The following UBTD2 variants were observed in gnomAD, a reference collection of about 807,000 sequenced individuals.
The protein encoded by UBTD2 is ubiquitin domain-containing protein 2.
In UBTD2, 9 loss-of-function variants were observed where a neutral mutation model predicts 19.8. The observed-to-expected ratio is 0.46, with a 90% CI of 0.27 to 0.79. The LOEUF is 0.79. UBTD2 is among the 30% of genes least tolerant of loss of function. The pLI, the probability that UBTD2 is intolerant of heterozygous loss-of-function variation, is 0.14. For synonymous variants in UBTD2, 98 were observed against 103.9 expected (o/e 0.94, Z 0.35); for missense variants, 250 against 300.4 (o/e 0.83, Z 1.24).
At chr5:172,266,220 C>T (rs1042106384) in intron 1 of UBTD2, among the ~76,000 whole-genome samples, 5 of 152,102 alleles carry the variant, frequency 3.3e-5, no homozygotes, top group Non-Finnish European at 5.9e-5. Context: ...TGTGAGCCAC[C>T]GCACCTGGCC....
intron 1 of UBTD2, among the ~76,000 whole-genome samples, chr5:172,262,938 TTTG>T (rs1337429257): frequency 1.3e-5 from 2 of 152,142 alleles, no homozygotes; most frequent in African/African-American, 4.8e-5. Flanking sequence ...CAACTAGTTT[TTTG>T]TTGTTTTATT....
chr5:172,222,856 T>C (rs879426545), intron 2 of UBTD2, among the ~76,000 whole-genome samples: 2 of 152,176 alleles, frequency 1.3e-5, no homozygotes, highest in Non-Finnish European at 2.9e-5. Context: ...TTACCAGAGG[T>C]GGCTAAAACA....
chr5:172,271,173 A>G (rs9313587), intron 1 of UBTD2, among the ~76,000 whole-genome samples: 49,027 of 151,782 alleles, frequency 0.32, 7,998 homozygotes, highest in South Asian at 0.42. Context: ...GCTCACACCT[A>G]TAATCCCAGC....
chr5:172,215,338 G>C (rs1242313111), intron 2 of UBTD2, among the ~76,000 whole-genome samples: 1 of 152,156 alleles, frequency 6.6e-6, no homozygotes, highest in Non-Finnish European at 1.5e-5. Flanking sequence ...TCCTGCTGGG[G>C]TTTTATCAGA....
At chr5:172,260,266 A>C (rs527929836) in intron 1 of UBTD2, among the ~76,000 whole-genome samples, 3 of 152,250 alleles carry the variant, frequency 2.0e-5, no homozygotes, top group Admixed American at 6.6e-5. Context: ...CTATTAATAC[A>C]TCTTAATTTT....
In UBTD2 at chr5:172,283,532, G is replaced by A; in HGVS notation, c.70+64C>T. On this transcript the variant is annotated intron_variant, in intron 1 of 2. Coordinates refer to ENST00000393792, the MANE Select transcript of UBTD2 (RefSeq NM_152277.3). The surrounding 1 kb of genome is among the most constrained non-coding windows in gnomAD (Gnocchi z 4.3). ...GCCCGGCGCGGCCCGCGGGGGTCGGGACAGGTGGCCGGGCCTGGCCGGGAA... is the reference window on the plus strand; with the variant it reads ...GCCCGGCGCGGCCCGCGGGGGTCGGAACAGGTGGCCGGGCCTGGCCGGGAA... 1 of 1,226,046 alleles carries A rather than the reference G, an allele frequency of 8.2e-7. No homozygotes were observed. The highest frequency in any genetic ancestry group is 1.0e-6 in the Non-Finnish European group (1 of 967,960). 75.9% of individuals were successfully genotyped at this position (1,226,046 alleles called of 1,614,324 possible).
At chr5:172,220,799 G>C (rs1446424414) in intron 2 of UBTD2, among the ~76,000 whole-genome samples, 2 of 152,060 alleles carry the variant, frequency 1.3e-5, no homozygotes, top group African/African-American at 2.4e-5. Flanking sequence ...GATAAGAAAA[G>C]GTATACAGAT....
intron 1 of UBTD2, among the ~76,000 whole-genome samples, chr5:172,279,301 T>C (rs964239726): frequency 1.3e-5 from 2 of 152,248 alleles, no homozygotes; most frequent in African/African-American, 4.8e-5. Flanking sequence ...GGCTTCAATC[T>C]TTATCTATGA....
At chr5:172,237,836 G>A (rs79084455) in intron 1 of UBTD2, among the ~76,000 whole-genome samples, 1 of 152,182 alleles carries the variant, frequency 6.6e-6, no homozygotes, top group Non-Finnish European at 1.5e-5. Context: ...AATGAACTTA[G>A]AGGTACTATA....
intron 1 of UBTD2, among the ~76,000 whole-genome samples, chr5:172,278,352 T>C (rs1037654976): frequency 2.6e-5 from 4 of 152,060 alleles, no homozygotes; most frequent in African/African-American, 9.7e-5. Context: ...ACCCCGTCTC[T>C]ACTAAAAATA....
chr5:172,259,147 GT>G (rs1297689114), intron 1 of UBTD2, among the ~76,000 whole-genome samples: 3 of 151,840 alleles, frequency 2.0e-5, no homozygotes, highest in African/African-American at 7.3e-5. Context: ...GAGGGTTTTT[GT>G]TTTGTTTTTT....
At chr5:172,220,513 T>C (rs1003172578) in intron 2 of UBTD2, among the ~76,000 whole-genome samples, 5 of 152,166 alleles carry the variant, frequency 3.3e-5, no homozygotes, top group African/African-American at 1.2e-4. Context: ...CACATGCCTG[T>C]AATCCCAGCT....
At chr5:172,258,452 T>C (rs1237216906) in intron 1 of UBTD2, among the ~76,000 whole-genome samples, 2 of 152,230 alleles carry the variant, frequency 1.3e-5, no homozygotes, top group South Asian at 2.1e-4. Context: ...TAGGATTGTT[T>C]TGGCTTTTTG....
chr5:172,228,870 T>C (rs956359019), intron 2 of UBTD2, among the ~76,000 whole-genome samples: 1 of 152,190 alleles, frequency 6.6e-6, no homozygotes, highest in African/African-American at 2.4e-5. Context: ...TTTGTTTTTT[T>C]AAAAATTAAA....
At chr5:172,272,462 T>A (rs1389574372) in intron 1 of UBTD2, among the ~76,000 whole-genome samples, 1 of 151,980 alleles carries the variant, frequency 6.6e-6, no homozygotes, top group East Asian at 1.9e-4. Flanking sequence ...GCCCCCCAAA[T>A]GAAGATAACC....
intron 1 of UBTD2, among the ~76,000 whole-genome samples, chr5:172,257,316 T>A (rs1047601349): frequency 2.0e-5 from 3 of 152,236 alleles, no homozygotes; most frequent in Admixed American, 2.0e-4. Context: ...GGACATGACC[T>A]CCTTCTTTTT....
At chr5:172,216,616 A>AAAAAAAC (rs1771547699) in intron 2 of UBTD2, among the ~76,000 whole-genome samples, 1 of 150,118 alleles carries the variant, frequency 6.7e-6, no homozygotes, top group South Asian at 2.1e-4. Flanking sequence ...AAAAAAAAAA[A>AAAAAAAC]AAAGCCAGAG....
chr5:172,234,466 G>T, intron 1 of UBTD2, 108 bp from the exon 2 acceptor site: 4 of 926,292 alleles, frequency 4.3e-6, no homozygotes, highest in Non-Finnish European at 6.5e-6. Context: ...ATCACAGCCA[G>T]AAATTTACCT....
At chr5:172,240,330 T>C (rs1326038208) in intron 1 of UBTD2, among the ~76,000 whole-genome samples, 8 of 152,232 alleles carry the variant, frequency 5.3e-5, no homozygotes, top group Non-Finnish European at 1.0e-4. Flanking sequence ...AATATCTGCC[T>C]AGACAAGTTA....
Sources: allele counts gnomAD v4.1 joint callset (sites outside exome capture counted in the v4.1 genomes callset), GRCh38; gene constraint gnomAD v4.1.1; non-coding constraint Gnocchi (gnomAD v3.1); transcripts MANE v1.5; gene names NCBI Gene and HGNC (gene_info 2026-07-23, HGNC 2026-07-21).